The following SMARCAL1 variants were observed in gnomAD, a reference collection of about 807,000 sequenced individuals.
The protein encoded by SMARCAL1 is ATP-driven annealing helicase.
Under a neutral mutation model 94.5 loss-of-function variants are expected in SMARCAL1, and 58 were observed. That is an observed-to-expected ratio of 0.61 (90% CI 0.50 to 0.76). The LOEUF (loss-of-function observed/expected upper bound fraction) is 0.76. Ranked by LOEUF, SMARCAL1 falls within the 30% of genes least tolerant of loss-of-function variation. The pLI is 0.00. For missense variants in SMARCAL1, 1,051 were observed against 1,177.9 expected, an observed-to-expected ratio of 0.89 and a Z score of 1.58; for synonymous variants, 422 against 455.1, an observed-to-expected ratio of 0.93 and a Z score of 0.93.
intron 10 of SMARCAL1, among the ~76,000 whole-genome samples, chr2:216,443,226 G>C (rs1421415947): frequency 6.6e-6 from 1 of 151,862 alleles, no homozygotes; most frequent in African/African-American, 2.4e-5. Context: ...AATTAACTGG[G>C]ATTGGTGGTC....
At chr2:216,435,665 T>C (rs537755832) in intron 9 of SMARCAL1, among the ~76,000 whole-genome samples, 169 bp downstream of exon 9, 1 of 152,336 alleles carries the variant, frequency 6.6e-6, no homozygotes, top group African/African-American at 2.4e-5. Context: ...TCCCCTCAAA[T>C]AGCCATTCTC....
At chr2:216,425,731 G>C (rs1693819666) in intron 6 of SMARCAL1, among the ~76,000 whole-genome samples, 1 of 152,220 alleles carries the variant, frequency 6.6e-6, no homozygotes, top group Non-Finnish European at 1.5e-5. Flanking sequence ...AAAGTGGGTA[G>C]TCCCAACATG....
chr2:216,415,409 C>A lies in SMARCAL1; in HGVS notation c.705C>A (p.Asn235Lys), dbSNP rs749145673. The change falls in exon 3 of 18, where the codon AAC becomes AAA. Residue 235 changes from asparagine (N) to lysine (K), a missense_variant. Transcript: ENST00000357276. ...KSGSSVQKGVNSQKGKCVRNG... is the reference protein window; with the variant it reads ...KSGSSVQKGVKSQKGKCVRNG... The stretch of plus-strand genomic sequence containing the variant: ...GGTCCTCAGTCCAAAAAGGAGTGAA[C>A]TCTCAGAAGGGAAAGTGCGTAAGGA... 4.3e-6 allele frequency: 7 copies of A among 1,614,226 alleles called. No homozygotes were observed. In the Admixed American group the frequency reaches 1.2e-4, roughly 27 times the overall value.
At chr2:216,450,274 G>A (rs960784845) in intron 11 of SMARCAL1, among the ~76,000 whole-genome samples, 1 of 152,216 alleles carries the variant, frequency 6.6e-6, no homozygotes, top group African/African-American at 2.4e-5. Flanking sequence ...ACTGCCAGAA[G>A]CCTATGTGGT....
At chr2:216,442,074 A>C (rs1694208420) in intron 10 of SMARCAL1, among the ~76,000 whole-genome samples, 1 of 152,142 alleles carries the variant, frequency 6.6e-6, no homozygotes, top group African/African-American at 2.4e-5. Context: ...AAAAGGTATA[A>C]GGTTTTTTTC....
In SMARCAL1 at chr2:216,447,174, T is replaced by TTCCACCC; in HGVS notation, c.1851+16_1851+17insTCCACCC. 7 of 1,579,216 alleles carry TTCCACCC rather than the reference T, an allele frequency of 4.4e-6. No individual in the cohort carries two copies. The highest frequency in any genetic ancestry group is 2.3e-5 in the East Asian group (1 of 44,228). Reference sequence around the variant, plus strand: ...TGCCAAACGGGTATGTATTATCTCTTCCCTCCCAGCCCACCCATTTCTCAC... The same window carrying TTCCACCC: ...TGCCAAACGGGTATGTATTATCTCTTTCCACCCCCCTCCCAGCCCACCCATTTCTCAC... On this transcript the variant is annotated intron_variant, in intron 11 of 17. Coordinates refer to ENST00000357276, the MANE Select transcript of SMARCAL1 (RefSeq NM_014140.4).
At chr2:216,435,763 C>G (rs903743460) in intron 9 of SMARCAL1, among the ~76,000 whole-genome samples, 15 of 152,254 alleles carry the variant, frequency 9.9e-5, no homozygotes, top group Middle Eastern at 3.4e-3. Flanking sequence ...TAGCTCATCT[C>G]TTTCCCAGCG....
chr2:216,445,542 GCA>G (rs1356113048), intron 10 of SMARCAL1, among the ~76,000 whole-genome samples: 6 of 152,174 alleles, frequency 3.9e-5, no homozygotes, highest in African/African-American at 1.4e-4. Flanking sequence ...CCCCAGGCCA[GCA>G]CAGTGACATG....
At chr2:216,467,812 C>T (rs1694862176) in intron 13 of SMARCAL1, 132 bp from the exon 14 acceptor site, 3 of 691,956 alleles carry the variant, frequency 4.3e-6, no homozygotes, top group African/African-American at 1.8e-5. Flanking sequence ...TAATGATAGT[C>T]GGAGGTAAAG....
In SMARCAL1 at chr2:216,468,007, G is replaced by A; in HGVS notation, c.2205G>A (p.Lys735=). ...AGTTTTTAGTATTTGCACACCATAAGGTGGTCCTGGACGCAATTACGCAAG... is the reference window on the plus strand; with the variant it reads ...AGTTTTTAGTATTTGCACACCATAAAGTGGTCCTGGACGCAATTACGCAAG... ...REKFLVFAHH[K]VVLDAITQEL... The change falls in exon 14 of 18, where the codon AAG becomes AAA. Residue 735 remains lysine (K), a synonymous_variant. Coordinates refer to ENST00000357276, the MANE Select transcript of SMARCAL1 (RefSeq NM_014140.4). The A allele has an allele frequency of 6.2e-7, 1 of 1,613,906 alleles. No individual in the cohort carries two copies.
At chr2:216,473,793 T>G (rs1695013924) in intron 14 of SMARCAL1, among the ~76,000 whole-genome samples, 1 of 152,196 alleles carries the variant, frequency 6.6e-6, no homozygotes, top group Non-Finnish European at 1.5e-5. Flanking sequence ...AGAAAATAAC[T>G]AAACTAAACA....
At chr2:216,422,153 G>A (rs1280070166) in intron 5 of SMARCAL1, among the ~76,000 whole-genome samples, 3 of 152,112 alleles carry the variant, frequency 2.0e-5, no homozygotes, top group East Asian at 1.9e-4. Context: ...GCCAAGGTGG[G>A]TGGATCACCT....
intron 4 of SMARCAL1, among the ~76,000 whole-genome samples, chr2:216,417,466 G>C (rs1366909468): frequency 1.3e-5 from 2 of 152,184 alleles, no homozygotes; most frequent in Non-Finnish European, 2.9e-5. Context: ...CTGTGTCCTT[G>C]TTTGGATTTT....
chr2:216,463,947 C>T (rs535776831), intron 12 of SMARCAL1, among the ~76,000 whole-genome samples: 4 of 152,222 alleles, frequency 2.6e-5, no homozygotes, highest in Admixed American at 6.5e-5. Context: ...GAGGCTGAGA[C>T]GGGAGAATCG....
intron 10 of SMARCAL1, chr2:216,446,694 C>T (rs1229723340): frequency 2.0e-6 from 1 of 504,788 alleles, no homozygotes; most frequent in Non-Finnish European, 3.9e-6. Context: ...TACTTGGCGT[C>T]AGGCATATGC....
At chr2:216,432,609 G>A (rs776067435) in intron 7 of SMARCAL1, 109 bp from the exon 8 acceptor site, 41 of 1,341,060 alleles carry the variant, frequency 3.1e-5, no homozygotes, top group Non-Finnish European at 3.7e-5. Flanking sequence ...GGCTGGGCCC[G>A]GGCTGGCCAG....
At chr2:216,461,042 AAAACTAG>A (rs1231357218) in intron 12 of SMARCAL1, among the ~76,000 whole-genome samples, 1 of 147,406 alleles carries the variant, frequency 6.8e-6, no homozygotes, top group African/African-American at 2.5e-5. Context: ...ATATTGATGT[AAAACTAG>A]AAAGAGGTGT....
In SMARCAL1 at chr2:216,475,405, C is replaced by T. The variant is rs774633377; in HGVS notation, c.2381C>T (p.Ser794Phe). 5.0e-6 allele frequency: 8 copies of T among 1,614,100 alleles called. No homozygotes were observed. In the Admixed American group the frequency reaches 1.3e-4, roughly 27 times the overall value. Residue 794 changes from serine (S) to phenylalanine (F), a missense_variant, in exon 15 of 18, where the codon TCC (serine) becomes TTC (phenylalanine). Ser to Phe is a radical substitution (Grantham distance 155, BLOSUM62 -2). Coordinates refer to ENST00000357276, the MANE Select transcript of SMARCAL1 (RefSeq NM_014140.4). The surrounding 1 kb of genome is among the most constrained non-coding windows in gnomAD (Gnocchi z 4.4). ...ITAANMGLTF[S>F]SADLVVFAEL... Reference sequence around the variant, plus strand: ...GCTGCCAATATGGGCCTCACCTTCTCCTCGGCTGACCTGGTGGTGTTTGCT... The same window carrying T: ...GCTGCCAATATGGGCCTCACCTTCTTCTCGGCTGACCTGGTGGTGTTTGCT...
intron 13 of SMARCAL1, among the ~76,000 whole-genome samples, chr2:216,465,792 C>T (rs1184277231): frequency 6.6e-6 from 1 of 152,054 alleles, no homozygotes; most frequent in East Asian, 1.9e-4. Context: ...TGGTGCCAGA[C>T]TGGCTGTGGG....
Sources: allele counts gnomAD v4.1 joint callset (sites outside exome capture counted in the v4.1 genomes callset), GRCh38; gene constraint gnomAD v4.1.1; non-coding constraint Gnocchi (gnomAD v3.1); transcripts MANE v1.5; gene names NCBI Gene and HGNC (gene_info 2026-07-23, HGNC 2026-07-21).